The following PIP5K1B variants were observed in gnomAD, a reference collection of about 807,000 sequenced individuals.
The protein encoded by PIP5K1B is phosphatidylinositol 4-phosphate 5-kinase type-1 beta.
In PIP5K1B, 42 loss-of-function variants were observed where a neutral mutation model predicts 67.0. The ratio of observed to expected loss-of-function variants is 0.63; its 90% CI spans 0.49 to 0.81. The LOEUF (loss-of-function observed/expected upper bound fraction) is 0.81, where lower values mean the gene tolerates loss of function less well. Ranked by LOEUF, PIP5K1B falls within the 30% of genes least tolerant of loss-of-function variation. PIP5K1B has a pLI of 0.00. For missense variants in PIP5K1B, 459 were observed against 646.3 expected (o/e 0.71, Z 3.14); for synonymous variants, 214 against 231.4 (o/e 0.92, Z 0.68).
intron 2 of PIP5K1B, chr9:68,788,474 T>TTTTTGTTGTTTTG (rs143751151): frequency 0.012 from 3,556 of 291,692 alleles, 71 homozygotes; most frequent in East Asian, 0.08. Context: ...ATCAGGAAGG[T>TTTTTGTTGTTTTG]TTTTGTTTTG....
intron 4 of PIP5K1B, among the ~76,000 whole-genome samples, chr9:68,847,413 T>TTGTGTGTGTG (rs777818994): frequency 0.054 from 5,504 of 101,556 alleles, 358 homozygotes; most frequent in Admixed American, 0.067. Flanking sequence ...AGCAGTGGTT[T>TTGTGTGTGTG]TGTGTGTGTG....
intron 14 of PIP5K1B, among the ~76,000 whole-genome samples, chr9:68,958,647 A>G (rs1381378229): frequency 6.6e-6 from 1 of 152,224 alleles, no homozygotes; most frequent in Non-Finnish European, 1.5e-5. Flanking sequence ...TCGCATACTT[A>G]GACATTAATA....
chr9:68,889,184 C>T (rs1824641035), intron 7 of PIP5K1B, 51 bp downstream of exon 7: 3 of 1,444,518 alleles, frequency 2.1e-6, no homozygotes, highest in African/African-American at 2.8e-5. Flanking sequence ...AATTACTTTC[C>T]TCAACAGTTT....
At chr9:68,866,032 C>A (rs1269838350) in intron 5 of PIP5K1B, among the ~76,000 whole-genome samples, 1 of 152,230 alleles carries the variant, frequency 6.6e-6, no homozygotes, top group Non-Finnish European at 1.5e-5. Flanking sequence ...TTGGCCTTCA[C>A]TGTCATCCAA....
At chr9:68,912,102 C>G (rs1223218984) in intron 8 of PIP5K1B, among the ~76,000 whole-genome samples, 2 of 152,150 alleles carry the variant, frequency 1.3e-5, no homozygotes, top group Non-Finnish European at 2.9e-5. Context: ...CCCTCTCTTA[C>G]CTGGACTGCT....
At chr9:68,952,245 C>T (rs1828117336) in intron 14 of PIP5K1B, among the ~76,000 whole-genome samples, 1 of 152,180 alleles carries the variant, frequency 6.6e-6, no homozygotes, top group African/African-American at 2.4e-5. Flanking sequence ...CCTAAGCTTT[C>T]CACCAGTGTC....
intron 4 of PIP5K1B, among the ~76,000 whole-genome samples, chr9:68,828,155 T>C (rs1220361009): frequency 6.6e-6 from 1 of 152,218 alleles, no homozygotes; most frequent in Non-Finnish European, 1.5e-5. Context: ...GCCTTTCTTC[T>C]TGTCTCACCT....
chr9:68,749,149 G>GA (rs1246322360), intron 2 of PIP5K1B, among the ~76,000 whole-genome samples: 1 of 152,110 alleles, frequency 6.6e-6, no homozygotes, highest in African/African-American at 2.4e-5. Context: ...ACCTTATTTT[G>GA]AAAAACAGTC....
chr9:68,802,867 G>T (rs1832677026), intron 2 of PIP5K1B, among the ~76,000 whole-genome samples: 2 of 152,204 alleles, frequency 1.3e-5, no homozygotes, highest in African/African-American at 4.8e-5. Flanking sequence ...TTGCCCTGAA[G>T]CAGTGGGAAG....
intron 15 of PIP5K1B, among the ~76,000 whole-genome samples, chr9:69,004,645 A>T (rs1460654159): frequency 1.3e-5 from 2 of 152,192 alleles, no homozygotes; most frequent in African/African-American, 4.8e-5. Flanking sequence ...TGAAGAGTCC[A>T]TCTGCGTGCT....
chr9:68,784,829 G>A (rs2132473471), intron 2 of PIP5K1B, among the ~76,000 whole-genome samples: 2 of 152,258 alleles, frequency 1.3e-5, no homozygotes, highest in South Asian at 2.1e-4. Flanking sequence ...AGAGTGAAAA[G>A]GCTAGGCAAA....
At chr9:68,727,247 C>T (rs1052598131) in intron 1 of PIP5K1B, among the ~76,000 whole-genome samples, 4 of 152,024 alleles carry the variant, frequency 2.6e-5, no homozygotes, top group Non-Finnish European at 4.4e-5. Flanking sequence ...TATCAAGAGA[C>T]TAAAACAAAA....
At chr9:68,913,583 T>C (rs1278347716) in intron 8 of PIP5K1B, among the ~76,000 whole-genome samples, 1 of 152,280 alleles carries the variant, frequency 6.6e-6, no homozygotes, top group East Asian at 1.9e-4. Flanking sequence ...TAATTTGTTT[T>C]AAAATATATG....
chr9:68,819,323 G>T (rs1833612607), intron 3 of PIP5K1B, among the ~76,000 whole-genome samples: 1 of 152,128 alleles, frequency 6.6e-6, no homozygotes, highest in Admixed American at 6.5e-5. Context: ...GCCCAGGCTG[G>T]AGTGCAGTGG....
intron 14 of PIP5K1B, among the ~76,000 whole-genome samples, chr9:68,958,353 A>G (rs1828509252): frequency 1.3e-5 from 2 of 152,174 alleles, no homozygotes; most frequent in Admixed American, 1.3e-4. Context: ...GTAAGGGAAA[A>G]GCCAGAATGA....
intron 14 of PIP5K1B, among the ~76,000 whole-genome samples, chr9:68,982,244 A>G (rs1829911158): frequency 6.6e-6 from 1 of 152,176 alleles, no homozygotes; most frequent in African/African-American, 2.4e-5. Context: ...CTCCTAAGAG[A>G]GGTATCCTTG....
intron 2 of PIP5K1B, among the ~76,000 whole-genome samples, chr9:68,810,828 T>C (rs1472557944): frequency 6.6e-6 from 1 of 152,218 alleles, no homozygotes; most frequent in Non-Finnish European, 1.5e-5. Flanking sequence ...GAAAAAATTA[T>C]GTAAATTAAT....
At chr9:68,708,742 A>G (rs1235906164) in intron 1 of PIP5K1B, among the ~76,000 whole-genome samples, 3 of 152,108 alleles carry the variant, frequency 2.0e-5, no homozygotes, top group South Asian at 2.1e-4. Flanking sequence ...AACAAAACCA[A>G]CCTAGTTTCT....
chr9:68,892,453 G>C (rs974791012), intron 7 of PIP5K1B, among the ~76,000 whole-genome samples: 1 of 152,194 alleles, frequency 6.6e-6, no homozygotes, highest in Non-Finnish European at 1.5e-5. Flanking sequence ...CAAATAAAGT[G>C]TCCAGAAATA....
Sources: allele counts gnomAD v4.1 joint callset (sites outside exome capture counted in the v4.1 genomes callset), GRCh38; gene constraint gnomAD v4.1.1; transcripts MANE v1.5; gene names NCBI Gene and HGNC (gene_info 2026-07-23, HGNC 2026-07-21).